PI4K2B: variants seen among roughly 807,000 people sequenced by gnomAD.
PI4K2B encodes the protein phosphatidylinositol 4-kinase type 2 beta.
A neutral mutation model predicts 56.6 loss-of-function variants in PI4K2B; 46 were observed. The ratio of observed to expected loss-of-function variants is 0.81; its 90% confidence interval spans 0.64 to 1.04. The LOEUF (loss-of-function observed/expected upper bound fraction) is 1.04. PI4K2B is among the 50% of genes least tolerant of loss of function. The pLI, the probability that PI4K2B is intolerant of heterozygous loss-of-function variation, is 0.00. For synonymous variants in PI4K2B, 211 were observed against 223.8 expected (o/e 0.94, Z 0.51); for missense variants, 556 against 607.7 (o/e 0.91, Z 0.89).
rs777289807 is a variant in PI4K2B, at chr4:25,278,614, T to A, written c.*1427T>A. On this transcript the variant is annotated 3_prime_UTR_variant, in exon 10 of 10. Coordinates refer to ENST00000264864, the MANE Select transcript of PI4K2B (RefSeq NM_018323.4). ...AGTTCATTGGAAACCTGCGTTCTCC[T>A]ACCTCTTCCAACCCTCCATTAGCTC... is the stretch of plus-strand genomic sequence containing the variant. The A allele has an allele frequency of 6.6e-6, 1 of 152,650 alleles. No homozygotes were observed. The highest frequency in any genetic ancestry group is 1.5e-5 in the Non-Finnish European group (1 of 68,034). The allele number at this position is 152,650 out of a possible 1,614,324, so 9.5% of individuals were successfully genotyped here. A position where few individuals can be genotyped will look rare whatever the true frequency, so the allele number is the denominator to read the frequency against.
chr4:25,249,557 C>T (rs1272415446), intron 1 of PI4K2B, among the ~76,000 whole-genome samples: 2 of 144,276 alleles, frequency 1.4e-5, no homozygotes, highest in Non-Finnish European at 3.0e-5. Context: ...GGCTGCCGGG[C>T]GGAGGGGCTC....
chr4:25,246,313 G>A (rs866042880), intron 1 of PI4K2B, among the ~76,000 whole-genome samples: 15 of 152,218 alleles, frequency 9.9e-5, no homozygotes, highest in South Asian at 4.2e-4. Context: ...ACAGAGCGCC[G>A]ATTGGTCTGT....
At chr4:25,261,809 G>A (rs1716488415) in intron 6 of PI4K2B, among the ~76,000 whole-genome samples, 1 of 152,064 alleles carries the variant, frequency 6.6e-6, no homozygotes, top group Non-Finnish European at 1.5e-5. Flanking sequence ...GACTGCAGAG[G>A]GACACAAGGA....
intron 1 of PI4K2B, among the ~76,000 whole-genome samples, chr4:25,237,306 A>T (rs1001201726): frequency 5.9e-5 from 9 of 151,910 alleles, no homozygotes; most frequent in Middle Eastern, 3.4e-3. Flanking sequence ...ATATATATTA[A>T]TTCATAACCA....
chr4:25,247,775 C>T (rs974376915), intron 1 of PI4K2B, among the ~76,000 whole-genome samples: 13 of 152,180 alleles, frequency 8.5e-5, no homozygotes, highest in Non-Finnish European at 1.9e-4. Flanking sequence ...ATGATCACGG[C>T]TCACTGCTGC....
intron 1 of PI4K2B, among the ~76,000 whole-genome samples, chr4:25,238,204 T>C (rs1341899529): frequency 6.6e-6 from 1 of 152,186 alleles, no homozygotes; most frequent in Admixed American, 6.5e-5. Context: ...ATTTTTGAAA[T>C]TACTGAGCAG....
intron 4 of PI4K2B, among the ~76,000 whole-genome samples, chr4:25,257,157 A>G (rs220375): frequency 0.29 from 44,453 of 151,354 alleles, 7,275 homozygotes; most frequent in African/African-American, 0.45. Flanking sequence ...TCGTGGGCTC[A>G]GATAATCTTC....
chr4:25,241,174 G>C lies in PI4K2B; in HGVS notation c.268+6743G>C, dbSNP rs1011293758. Among the ~76,000 whole-genome samples the C allele has an allele frequency of 5.9e-5, 9 of 152,342 alleles. No individual in the cohort carries two copies. The East Asian group carries it at 1.7e-3, about 29-fold the overall frequency. On this transcript the variant is annotated intron_variant, in intron 1 of 9. Coordinates refer to ENST00000264864, the MANE Select transcript of PI4K2B (RefSeq NM_018323.4). ...AGCATGGGCATGTAGGATTAGATAA[G>C]CATACATGCTATCTGTATACACATT...
intron 1 of PI4K2B, among the ~76,000 whole-genome samples, chr4:25,244,332 G>A (rs981874142): frequency 2.6e-5 from 4 of 152,274 alleles, no homozygotes; most frequent in Middle Eastern, 3.4e-3. Flanking sequence ...GCTATAGGGA[G>A]GCTAGGATAT....
At chr4:25,243,104 C>T (rs557716614) in intron 1 of PI4K2B, among the ~76,000 whole-genome samples, 2 of 152,218 alleles carry the variant, frequency 1.3e-5, no homozygotes, top group African/African-American at 4.8e-5. Flanking sequence ...GAGATTAACA[C>T]TGAGAAGGCC....
At position 25,262,025 on chromosome 4, in the gene PI4K2B, G is replaced by A. The variant is rs536694409; in HGVS notation, c.978+1434G>A. ...TGTATAAGCTCCTGGGCTGGGCACA[G>A]TGGCTCATGCCTGTAATCACAGCAC... On this transcript the variant is annotated intron_variant, in intron 6 of 9. Transcript: ENST00000264864. Among the ~76,000 whole-genome samples, 73 of 152,320 alleles carry A rather than the reference G, an allele frequency of 4.8e-4. No individual in the cohort carries two copies. In the Middle Eastern group the frequency reaches 0.01, roughly 21 times the overall value.
chr4:25,277,012 A>G lies in PI4K2B; in HGVS notation c.1273-2A>G. The G allele has an allele frequency of 1.3e-6, 2 of 1,544,922 alleles. No homozygotes were observed. Among genetic ancestry groups the G allele is most frequent in the Non-Finnish European group, 1.8e-6 (2 of 1,134,306 alleles). On this transcript the variant is annotated splice_acceptor_variant, in intron 9 of 9. Transcript: ENST00000264864. LOFTEE classifies it high-confidence loss of function. Reference sequence around the variant, plus strand: ...TGGTAAAAATCTCTCTTCTTCCCACAGATCTTAAACCTTACTCAGGCATTG... The same window carrying G: ...TGGTAAAAATCTCTCTTCTTCCCACGGATCTTAAACCTTACTCAGGCATTG...
At chr4:25,252,008 A>C (rs547499327) in intron 1 of PI4K2B, among the ~76,000 whole-genome samples, 15 of 152,224 alleles carry the variant, frequency 9.9e-5, no homozygotes, top group Non-Finnish European at 2.1e-4. Context: ...TATTTTTAGT[A>C]GACACGGGGT....
intron 7 of PI4K2B, among the ~76,000 whole-genome samples, chr4:25,265,738 T>G (rs1023575911): frequency 1.3e-5 from 2 of 152,228 alleles, no homozygotes; most frequent in Non-Finnish European, 1.5e-5. Flanking sequence ...ATATGGCCTG[T>G]GTAAATTCTG....
intron 9 of PI4K2B, among the ~76,000 whole-genome samples, chr4:25,272,724 G>C (rs1286931451): frequency 6.6e-6 from 1 of 152,168 alleles, no homozygotes; most frequent in Non-Finnish European, 1.5e-5. Flanking sequence ...TATTGGGCCA[G>C]GCGTGTTGGC....
rs183124772 is a variant in PI4K2B, at chr4:25,270,382, G to A, written c.1272+1179G>A. On this transcript the variant is annotated intron_variant, in intron 9 of 9. Transcript: ENST00000264864. Reference sequence around the variant, plus strand: ...TTTTTTTGAGACAGACTCTTGCCCTGTCGCCCAGGCTGGAGTGCAATGGTG... The same window carrying A: ...TTTTTTTGAGACAGACTCTTGCCCTATCGCCCAGGCTGGAGTGCAATGGTG... Among the ~76,000 whole-genome samples, 50 of 151,022 alleles carry A rather than the reference G, an allele frequency of 3.3e-4. 1 individual carries two copies. The East Asian group carries it at 9.4e-3, about 28-fold the overall frequency.
intron 1 of PI4K2B, among the ~76,000 whole-genome samples, chr4:25,251,263 T>C (rs78553459): frequency 0.01 from 1,549 of 152,246 alleles, 20 homozygotes; most frequent in African/African-American, 0.035. Flanking sequence ...TGCTGCTTAT[T>C]TCTTAATGAA....
chr4:25,264,855 G>A (rs1716606960), intron 7 of PI4K2B, among the ~76,000 whole-genome samples: 1 of 152,052 alleles, frequency 6.6e-6, no homozygotes, highest in Admixed American at 6.6e-5. Flanking sequence ...TGGGTGACAA[G>A]AGTGTAAGGC....
chr4:25,254,416 C>A, intron 2 of PI4K2B: 1 of 808,510 alleles, frequency 1.2e-6, no homozygotes, highest in Non-Finnish European at 1.5e-6. Flanking sequence ...GAAAGTCTTT[C>A]CTTTTTTTTT....
Sources: gnomAD v4.1 joint callset for allele counts (sites outside exome capture counted in the v4.1 genomes callset) on GRCh38, gnomAD v4.1.1 for gene constraint, MANE v1.5 for transcripts, NCBI Gene and HGNC (gene_info 2026-07-23, HGNC 2026-07-21) for gene names.